The following LRRIQ3 variants were observed in gnomAD, a reference collection of about 807,000 sequenced individuals.
The protein encoded by LRRIQ3 is leucine-rich repeat and IQ domain-containing protein 3.
A neutral mutation model predicts 59.3 loss-of-function variants in LRRIQ3; 75 were observed. The observed-to-expected ratio is 1.26, with a 90% CI of 1.05 to 1.53. The LOEUF is 1.53. LRRIQ3 is among the 40% of genes most tolerant of loss of function. LRRIQ3 has a pLI of 0.00. For missense variants in LRRIQ3, 831 were observed against 710.0 expected, an observed-to-expected ratio of 1.17 and a Z score of -1.94; for synonymous variants, 250 against 231.3, an observed-to-expected ratio of 1.08 and a Z score of -0.73.
At chr1:74,094,246 T>G (rs554252235) in intron 5 of LRRIQ3, among the ~76,000 whole-genome samples, 13 of 152,088 alleles carry the variant, frequency 8.5e-5, no homozygotes, top group Admixed American at 7.2e-4. Flanking sequence ...TTTCAACGTA[T>G]GAATTTTGAA....
At chr1:74,154,243 A>AC (rs1648182007) in intron 4 of LRRIQ3, among the ~76,000 whole-genome samples, 4 of 12,396 alleles carry the variant, frequency 3.2e-4, no homozygotes, top group Admixed American at 8.8e-4. Flanking sequence ...TCCTTCTCAA[A>AC]AAAAAAAAAA....
At chr1:74,103,377 AC>A (rs1646561404) in intron 5 of LRRIQ3, among the ~76,000 whole-genome samples, 2 of 151,974 alleles carry the variant, frequency 1.3e-5, no homozygotes, top group African/African-American at 4.8e-5. Flanking sequence ...AAATTGCATT[AC>A]TGGTGGAACC....
rs146100388 is a variant in LRRIQ3 at position 74,038,415 on chromosome 1, A to G, written c.1718+2798T>C. 2.0e-3 allele frequency among the ~76,000 whole-genome samples: 308 copies of G among 152,276 alleles called. 5 individuals are homozygous for G. In the East Asian group the frequency reaches 0.026, roughly 13 times the overall value. ...TCTGAGGAATCTGGGCAGCCCAGAC[A>G]AGTGGGTTTCCCCCCCAGCAAAACA... On this transcript the variant is annotated intron_variant, in intron 7 of 7. Coordinates refer to ENST00000354431, the MANE Select transcript of LRRIQ3 (RefSeq NM_001105659.2).
At chr1:74,174,678 G>A (rs530178039) in intron 3 of LRRIQ3, among the ~76,000 whole-genome samples, 1 of 151,878 alleles carries the variant, frequency 6.6e-6, no homozygotes, top group Non-Finnish European at 1.5e-5. Flanking sequence ...ACAGGCATGA[G>A]TCACTGCACC....
chr1:74,196,495 T>A (rs1192358453), intron 1 of LRRIQ3, among the ~76,000 whole-genome samples: 1 of 152,162 alleles, frequency 6.6e-6, no homozygotes, highest in African/African-American at 2.4e-5. Flanking sequence ...GTATGTATAA[T>A]GCATACAGAC....
At chr1:74,109,040 T>G (rs1242188568) in intron 5 of LRRIQ3, 1 of 216,812 alleles carries the variant, frequency 4.6e-6, no homozygotes, top group African/African-American at 2.4e-5. Flanking sequence ...AACCAATGAA[T>G]GAATGTTGTA....
intron 6 of LRRIQ3, among the ~76,000 whole-genome samples, chr1:74,059,930 G>A (rs1654652062): frequency 2.6e-5 from 4 of 151,304 alleles, no homozygotes; most frequent in Admixed American, 6.6e-5. Flanking sequence ...CTTTTTTGTT[G>A]CTATTATAAA....
intron 1 of LRRIQ3, among the ~76,000 whole-genome samples, chr1:74,187,886 G>T (rs551225488): frequency 1.3e-5 from 2 of 152,212 alleles, no homozygotes; most frequent in Non-Finnish European, 2.9e-5. Context: ...CCTAAAAACA[G>T]AAACAACATT....
intron 5 of LRRIQ3, among the ~76,000 whole-genome samples, chr1:74,094,439 G>T (rs1407973440): frequency 6.6e-6 from 1 of 152,014 alleles, no homozygotes; most frequent in South Asian, 2.1e-4. Flanking sequence ...AGAGGTTAGG[G>T]TGATGTGAGG....
Position 74,182,803 on chromosome 1 carries a change from T to TA in LRRIQ3, c.307dup (p.Tyr103LeufsTer4). 1.9e-6 allele frequency: 3 copies of TA among 1,604,292 alleles called. No homozygotes were observed. The highest frequency in any genetic ancestry group is 2.7e-5 in the African/African-American group (2 of 74,840). On this transcript the variant is annotated frameshift_variant, in exon 3 of 8. Coordinates refer to ENST00000354431, the MANE Select transcript of LRRIQ3 (RefSeq NM_001105659.2). LOFTEE classifies it high-confidence loss of function. The stretch of plus-strand genomic sequence containing the variant: ...CTTTGCAAACCCATTGTCATGAAGA[T>TA]AGAGTAGTTTTAGGTTCTTCAATCC...
At position 74,104,905 on chromosome 1, in the gene LRRIQ3, G is replaced by A. The variant is rs191713844; in HGVS notation, c.867+4489C>T. On this transcript the variant is annotated intron_variant, in intron 5 of 7. Transcript: ENST00000354431. Reference sequence around the variant, plus strand: ...TAGGATGCCAATTGTGGGGTATAGGGAAACTCTCTGTACTTCCCACTCAAC... The same window carrying A: ...TAGGATGCCAATTGTGGGGTATAGGAAAACTCTCTGTACTTCCCACTCAAC... Among the ~76,000 whole-genome samples, 185 of 151,960 alleles carry A rather than the reference G, an allele frequency of 1.2e-3. 1 individual carries two copies. Among genetic ancestry groups the A allele is most frequent in the African/African-American group, 4.4e-3 (182 of 41,512 alleles).
At chr1:74,038,754 A>G (rs1032864336) in intron 7 of LRRIQ3, among the ~76,000 whole-genome samples, 2 of 152,180 alleles carry the variant, frequency 1.3e-5, no homozygotes, top group African/African-American at 4.8e-5. Context: ...AATAAAAACA[A>G]TCAAACAGAA....
intron 4 of LRRIQ3, among the ~76,000 whole-genome samples, chr1:74,144,803 A>G (rs1647460469): frequency 6.6e-6 from 1 of 151,650 alleles, no homozygotes; most frequent in South Asian, 2.1e-4. Flanking sequence ...TCCCAACCTT[A>G]TATCTATATT....
intron 7 of LRRIQ3, among the ~76,000 whole-genome samples, chr1:74,037,369 G>A (rs1184882095): frequency 6.6e-6 from 1 of 152,134 alleles, no homozygotes; most frequent in Non-Finnish European, 1.5e-5. Context: ...CAGGTGAGGT[G>A]ACTCACACCT....
intron 5 of LRRIQ3, among the ~76,000 whole-genome samples, chr1:74,075,940 T>C (rs1330860536): frequency 6.6e-6 from 1 of 152,208 alleles, no homozygotes; most frequent in Non-Finnish European, 1.5e-5. Context: ...CCCTGTATCT[T>C]AAGGAGCTTT....
chr1:74,148,651 T>C (rs1274427807), intron 4 of LRRIQ3, among the ~76,000 whole-genome samples: 2 of 152,192 alleles, frequency 1.3e-5, no homozygotes, highest in Non-Finnish European at 2.9e-5. Context: ...GAAAATTCTG[T>C]TTTTAAAGTA....
At chr1:74,057,437 A>C (rs747524006) in intron 6 of LRRIQ3, among the ~76,000 whole-genome samples, 7 of 152,150 alleles carry the variant, frequency 4.6e-5, no homozygotes, top group Non-Finnish European at 1.0e-4. Flanking sequence ...CCCATAAATA[A>C]ATTCATACAT....
intron 5 of LRRIQ3, among the ~76,000 whole-genome samples, chr1:74,084,463 C>G (rs1189845087): frequency 6.6e-6 from 1 of 151,696 alleles, no homozygotes; most frequent in African/African-American, 2.4e-5. Flanking sequence ...GACAGACATA[C>G]TTTTTAATTA....
chr1:74,114,921 TCC>T (rs1166607228), intron 4 of LRRIQ3, among the ~76,000 whole-genome samples: 2 of 151,908 alleles, frequency 1.3e-5, no homozygotes, highest in Non-Finnish European at 2.9e-5. Context: ...TAAAATAAAT[TCC>T]CCTTTTATTC....
Sources: allele counts gnomAD v4.1 joint callset (sites outside exome capture counted in the v4.1 genomes callset), GRCh38; gene constraint gnomAD v4.1.1; transcripts MANE v1.5; gene names NCBI Gene and HGNC (gene_info 2026-07-23, HGNC 2026-07-21).